Variants in ZNF385D observed in about 807,000 individuals in gnomAD.
ZNF385D encodes the protein zinc finger protein 659.
A neutral mutation model predicts 35.8 loss-of-function variants in ZNF385D; 15 were observed. The ratio of observed to expected loss-of-function variants is 0.42; its 90% CI spans 0.28 to 0.64. ZNF385D has a LOEUF of 0.64. Among genes scored for constraint, ZNF385D ranks in the 30% least tolerant of loss-of-function variants. The pLI is 0.23. For synonymous variants in ZNF385D, 212 were observed against 186.8 expected, an observed-to-expected ratio of 1.13 and a Z score of -1.10; for missense variants, 474 against 494.6, an observed-to-expected ratio of 0.96 and a Z score of 0.39.
chr3:22,274,800 A>T lies in ZNF385D; in HGVS notation c.106+97650T>A, dbSNP rs1293344914. On this transcript the variant is annotated intron_variant, in intron 2 of 5. Transcript: ENST00000494108. Reference sequence around the variant, plus strand: ...AAGTTAGTACTTTTTTTTTTTTTTTAAAAGTCTTCTTATTTTTTAGTTAAA... The same window carrying T: ...AAGTTAGTACTTTTTTTTTTTTTTTTAAAGTCTTCTTATTTTTTAGTTAAA... Among the ~76,000 whole-genome samples the T allele has an allele frequency of 9.7e-3, 1,353 of 140,142 alleles. 7 individuals are homozygous for T. The highest frequency in any genetic ancestry group is 0.017 in the African/African-American group (617 of 35,844). The allele number at this position is 140,142 out of a possible 152,430, so 91.9% of individuals were successfully genotyped here.
In ZNF385D at chr3:22,357,439, G is replaced by C. The variant is rs537784965; in HGVS notation, c.106+15011C>G. Among the ~76,000 whole-genome samples, 125 of 151,784 alleles carry C rather than the reference G, an allele frequency of 8.2e-4. 1 individual carries two copies. Among genetic ancestry groups the C allele is most frequent in the Non-Finnish European group, 5.6e-4 (38 of 67,788 alleles). On this transcript the variant is annotated intron_variant, in intron 2 of 5. Coordinates refer to the ZNF385D transcript ENST00000494108. ...ATTCTTTTTAATGTGGTGATTTTAA[G>C]GTGACTGAAAAGTTTAGTAGAAAAC...
chr3:21,956,245 A>G (rs1339504181), intron 3 of ZNF385D, among the ~76,000 whole-genome samples: 1 of 151,954 alleles, frequency 6.6e-6, no homozygotes, highest in Non-Finnish European at 1.5e-5. Flanking sequence ...AATGAAATGA[A>G]AAAGAAAAAG....
chr3:22,253,674 G>T (rs1211490930), intron 2 of ZNF385D, among the ~76,000 whole-genome samples: 1 of 151,818 alleles, frequency 6.6e-6, no homozygotes, highest in Non-Finnish European at 1.5e-5. Flanking sequence ...ATGTTATTCT[G>T]GGATTTTGTC....
At position 21,679,385 on chromosome 3, in the gene ZNF385D, T is replaced by C. The variant is rs181391759; in HGVS notation, c.23-14357A>G. Among the ~76,000 whole-genome samples the C allele has an allele frequency of 3.9e-3, 597 of 152,276 alleles. 4 individuals carry two copies. Among genetic ancestry groups the C allele is most frequent in the Non-Finnish European group, 7.3e-3 (494 of 68,014 alleles). On this transcript the variant is annotated intron_variant, in intron 1 of 7. Transcript: ENST00000281523. ...TAATTGGTATATCTCTTATGATACT[T>C]ACATTTTGTTTGCTAGTAATTTGAT...
intron 2 of ZNF385D, among the ~76,000 whole-genome samples, chr3:22,260,210 C>T (rs746118514): frequency 5.9e-5 from 9 of 151,782 alleles, no homozygotes; most frequent in Non-Finnish European, 1.3e-4. Flanking sequence ...GAAATGGAAG[C>T]CTTCATTCTC....
chr3:21,944,339 G>A (rs17582553), intron 3 of ZNF385D, among the ~76,000 whole-genome samples: 3,012 of 152,276 alleles, frequency 0.02, 45 homozygotes, highest in Middle Eastern at 0.044. Context: ...ACTGAGAACT[G>A]TCAAAGCTGA....
intron 3 of ZNF385D, among the ~76,000 whole-genome samples, chr3:21,944,912 G>T (rs551626494): frequency 6.6e-6 from 1 of 151,984 alleles, no homozygotes; most frequent in Non-Finnish European, 1.5e-5. Flanking sequence ...TTATAGAGCA[G>T]TACAGTTGAG....
At chr3:21,562,412 G>A (rs2062983966) in intron 3 of ZNF385D, among the ~76,000 whole-genome samples, 1 of 152,026 alleles carries the variant, frequency 6.6e-6, no homozygotes, top group Admixed American at 6.6e-5. Flanking sequence ...ACCACTGTCT[G>A]GAAATGGTAA....
At chr3:22,144,337 G>A (rs1006174811) in intron 3 of ZNF385D, among the ~76,000 whole-genome samples, 15 of 152,038 alleles carry the variant, frequency 9.9e-5, no homozygotes, top group South Asian at 2.1e-4. Flanking sequence ...ACTACTGGAG[G>A]CCAAGGGTGG....
chr3:22,236,901 G>A (rs1234115671), intron 2 of ZNF385D, among the ~76,000 whole-genome samples: 1 of 152,178 alleles, frequency 6.6e-6, no homozygotes, highest in Non-Finnish European at 1.5e-5. Context: ...TCTATTGCAT[G>A]AATATAGTAC....
intron 3 of ZNF385D, among the ~76,000 whole-genome samples, chr3:21,870,007 T>G (rs537325903): frequency 6.6e-6 from 1 of 152,152 alleles, no homozygotes. Context: ...ACTGTGGATT[T>G]TTTTTTAAAA....
intron 1 of ZNF385D, among the ~76,000 whole-genome samples, chr3:21,738,031 T>A (rs1418599467): frequency 6.6e-6 from 1 of 152,232 alleles, no homozygotes; most frequent in Non-Finnish European, 1.5e-5. Flanking sequence ...CAGGATTTTA[T>A]ATCTCCAGCC....
At chr3:21,713,335 T>C (rs901696758) in intron 1 of ZNF385D, among the ~76,000 whole-genome samples, 2 of 152,180 alleles carry the variant, frequency 1.3e-5, no homozygotes, top group African/African-American at 4.8e-5. Context: ...CTCTGCAATC[T>C]TCTTCAATGA....
At chr3:21,883,244 GC>G (rs1269373490) in intron 3 of ZNF385D, among the ~76,000 whole-genome samples, 1 of 151,656 alleles carries the variant, frequency 6.6e-6, no homozygotes, top group Non-Finnish European at 1.5e-5. Flanking sequence ...AAGAATTTGT[GC>G]CTAGGAAAAA....
chr3:21,434,236 G>A lies in ZNF385D; in HGVS notation c.673+2734C>T, dbSNP rs532443484. 5.9e-5 allele frequency among the ~76,000 whole-genome samples: 9 copies of A among 152,124 alleles called. No homozygotes were observed. The South Asian group carries it at 1.9e-3, about 32-fold the overall frequency. On this transcript the variant is annotated intron_variant, in intron 5 of 7. Coordinates refer to ENST00000281523, the MANE Select transcript of ZNF385D (RefSeq NM_024697.3). ...TGGCTAAATCATGCATTCCGTTTGG[G>A]CTGCCTTCCTTTCCCTCTTTCTGTT...
intron 3 of ZNF385D, among the ~76,000 whole-genome samples, chr3:22,005,605 T>C (rs1477685790): frequency 2.6e-5 from 4 of 152,108 alleles, no homozygotes; most frequent in Admixed American, 2.6e-4. Context: ...ATCCCATAAG[T>C]ATGTATAATT....
At chr3:21,863,949 A>T (rs1283064800) in intron 3 of ZNF385D, among the ~76,000 whole-genome samples, 13 of 152,152 alleles carry the variant, frequency 8.5e-5, no homozygotes, top group Admixed American at 8.5e-4. Flanking sequence ...GATTCAGCAA[A>T]TCTGGGGAAG....
chr3:21,714,946 C>CCG (rs2068255817), intron 1 of ZNF385D, among the ~76,000 whole-genome samples: 1 of 152,144 alleles, frequency 6.6e-6, no homozygotes. Context: ...TTACCCTCTG[C>CCG]CCGATGCCCT....
At chr3:21,800,826 T>G (rs764148408) in intron 3 of ZNF385D, among the ~76,000 whole-genome samples, 4 of 152,112 alleles carry the variant, frequency 2.6e-5, no homozygotes, top group Non-Finnish European at 5.9e-5. Flanking sequence ...TATCTGCACA[T>G]AGTTTCGCTT....
Sources: gnomAD v4.1 joint callset for allele counts (sites outside exome capture counted in the v4.1 genomes callset) on GRCh38, gnomAD v4.1.1 for gene constraint, MANE v1.5 for transcripts, NCBI Gene and HGNC (gene_info 2026-07-23, HGNC 2026-07-21) for gene names.